Variants in RBL1 observed in about 807,000 individuals in gnomAD.
RBL1 encodes RB transcriptional corepressor like 1, also known as retinoblastoma-like protein 1.
RBL1 carries 82 observed loss-of-function variants against 123.0 expected under a neutral mutation model. The ratio of observed to expected loss-of-function variants is 0.67; its 90% confidence interval spans 0.56 to 0.80. The LOEUF (loss-of-function observed/expected upper bound fraction) is 0.80, where lower values mean the gene tolerates loss of function less well. RBL1 is among the 30% of genes least tolerant of loss of function. The pLI, the probability that RBL1 is intolerant of heterozygous loss-of-function variation, is 0.00. For synonymous variants in RBL1, 405 were observed against 441.3 expected, an observed-to-expected ratio of 0.92 and a Z score of 1.03; for missense variants, 1,171 against 1,299.6, an observed-to-expected ratio of 0.90 and a Z score of 1.52.
chr20:37,072,956 T>A (rs1358329288), intron 2 of RBL1, among the ~76,000 whole-genome samples: 2 of 152,086 alleles, frequency 1.3e-5, no homozygotes, highest in Admixed American at 6.6e-5. Context: ...GTAAGTGATA[T>A]CTCTTATTTT....
chr20:37,030,846 C>T (rs1435821930), intron 16 of RBL1, among the ~76,000 whole-genome samples: 1 of 147,210 alleles, frequency 6.8e-6, no homozygotes, highest in Non-Finnish European at 1.5e-5. Context: ...CAGAGTGAGA[C>T]TCTGTCTCAA....
In RBL1 at chr20:37,030,946, C is replaced by T. The variant is rs1198921058; in HGVS notation, c.2382+1719G>A. 4.0e-5 allele frequency among the ~76,000 whole-genome samples: 6 copies of T among 150,466 alleles called. No homozygotes were observed. In the South Asian group the frequency reaches 8.5e-4, roughly 21 times the overall value. On this transcript the variant is annotated intron_variant, in intron 16 of 21. Transcript: ENST00000373664. ...CTGTAGTCCTAGCTGCTCAGAGGGT[C>T]GAGGTGGGAGGATCATCTGAACCTG... is the stretch of plus-strand genomic sequence containing the variant.
chr20:37,001,918 T>TAAAAAAAAAAAAAAAAAAAAAAAAAAA (rs757774894), intron 21 of RBL1, among the ~76,000 whole-genome samples: 6 of 86,544 alleles, frequency 6.9e-5, no homozygotes, highest in African/African-American at 1.3e-4. Flanking sequence ...TGCAGAACAA[T>TAAAAAAAAAAAAAAAAAAAAAAAAAAA]AAAAAAAAAA....
chr20:37,091,084 C>T (rs148714636), intron 1 of RBL1, among the ~76,000 whole-genome samples: 12 of 152,266 alleles, frequency 7.9e-5, no homozygotes, highest in African/African-American at 2.2e-4. Flanking sequence ...TAGGCCGGTG[C>T]GGTGGCTCAC....
chr20:37,018,856 C>CAGA (rs2064297394), intron 18 of RBL1, among the ~76,000 whole-genome samples: 1 of 151,458 alleles, frequency 6.6e-6, no homozygotes, highest in Non-Finnish European at 1.5e-5. Flanking sequence ...GAGGCTGAGG[C>CAGA]AGAACTGCTT....
intron 14 of RBL1, among the ~76,000 whole-genome samples, chr20:37,036,876 C>T (rs1341824648): frequency 5.9e-5 from 9 of 152,108 alleles, no homozygotes; most frequent in East Asian, 1.9e-4. Context: ...CTGCCCGCCT[C>T]GGCCTCCCAA....
At chr20:37,003,198 T>C (rs1023713487) in intron 21 of RBL1, among the ~76,000 whole-genome samples, 6 of 152,216 alleles carry the variant, frequency 3.9e-5, no homozygotes, top group African/African-American at 7.2e-5. Context: ...ATACTGAACA[T>C]ATCTGCTTGA....
intron 11 of RBL1, among the ~76,000 whole-genome samples, chr20:37,047,405 A>AATTT (rs2064833397): frequency 6.6e-6 from 1 of 152,208 alleles, no homozygotes; most frequent in African/African-American, 2.4e-5. Context: ...GGTGTACATA[A>AATTT]CAATCTGCTT....
intron 19 of RBL1, among the ~76,000 whole-genome samples, chr20:37,013,538 T>C (rs2064199695): frequency 6.8e-6 from 1 of 147,910 alleles, no homozygotes; most frequent in African/African-American, 2.5e-5. Flanking sequence ...TATTGTCCTA[T>C]GACCCTGCCA....
In RBL1 at chr20:37,078,671, C is replaced by G. The variant is rs1163610217; in HGVS notation, c.290+10318G>C. ...GTGAAATAAGCATGTCACAAAAGAA[C>G]AAATATTGTAGGATGACACTTCTAA... On this transcript the variant is annotated intron_variant, in intron 2 of 21. Coordinates refer to ENST00000373664, the MANE Select transcript of RBL1 (RefSeq NM_002895.5). Among the ~76,000 whole-genome samples, 5 of 152,076 alleles carry G rather than the reference C, an allele frequency of 3.3e-5. No individual in the cohort carries two copies. In the East Asian group the frequency reaches 9.6e-4, roughly 29 times the overall value.
intron 21 of RBL1, among the ~76,000 whole-genome samples, chr20:37,001,030 G>A (rs2063968525): frequency 1.4e-5 from 2 of 142,474 alleles, no homozygotes; most frequent in Non-Finnish European, 3.1e-5. Flanking sequence ...AGGTGGGGGG[G>A]GTCAGCCCCC....
chr20:37,026,122 C>G (rs1227595244), intron 16 of RBL1, among the ~76,000 whole-genome samples: 4 of 152,164 alleles, frequency 2.6e-5, no homozygotes, highest in Non-Finnish European at 5.9e-5. Flanking sequence ...GATAAATTCT[C>G]TTGTTTAAGC....
In RBL1 at chr20:37,000,958, C is replaced by T. The variant is rs1359862022; in HGVS notation, c.3037-2029G>A. Among the ~76,000 whole-genome samples the T allele has an allele frequency of 2.1e-4, 30 of 143,550 alleles. No homozygotes were observed. The East Asian group carries it at 3.2e-3, about 15-fold the overall frequency. The allele number at this position is 143,550 out of a possible 152,430, so 94.2% of individuals were successfully genotyped here. ...CCGGGAGGTGAGGGGCGCCTCTGCC[C>T]GGCCGCCCCTACTGGGAAGAGAGGA... On this transcript the variant is annotated intron_variant, in intron 21 of 21. Transcript: ENST00000373664.
intron 9 of RBL1, among the ~76,000 whole-genome samples, chr20:37,060,501 TTGGCCTGGCATGGTCGCTCA>T (rs2065076909): frequency 6.6e-6 from 1 of 152,072 alleles, no homozygotes; most frequent in African/African-American, 2.4e-5. Flanking sequence ...AGAGACAAAG[TTGGCCTGGCATGGTCGCTCA>T]TGCCTGTAAT....
intron 21 of RBL1, among the ~76,000 whole-genome samples, chr20:37,001,032 T>A (rs1198523458): frequency 8.6e-6 from 1 of 116,786 alleles, no homozygotes; most frequent in Non-Finnish European, 1.7e-5. Context: ...GTGGGGGGGG[T>A]CAGCCCCCCA....
intron 2 of RBL1, among the ~76,000 whole-genome samples, chr20:37,074,874 T>C (rs1034721797): frequency 6.6e-6 from 1 of 152,040 alleles, no homozygotes; most frequent in African/African-American, 2.4e-5. Flanking sequence ...ATTCCACTCC[T>C]CTCCATATAT....
intron 2 of RBL1, among the ~76,000 whole-genome samples, chr20:37,085,516 T>A (rs576672156): frequency 9.1e-4 from 139 of 152,248 alleles, no homozygotes; most frequent in African/African-American, 3.2e-3. Flanking sequence ...TGTGTGTGCG[T>A]GGTAAAACAT....
At chr20:37,088,297 A>G (rs1273985767) in intron 2 of RBL1, among the ~76,000 whole-genome samples, 2 of 151,698 alleles carry the variant, frequency 1.3e-5, no homozygotes, top group African/African-American at 4.8e-5. Flanking sequence ...AGAGAGAAAG[A>G]TCTATATATT....
intron 2 of RBL1, among the ~76,000 whole-genome samples, chr20:37,068,974 G>C (rs1191799961): frequency 3.9e-5 from 6 of 152,190 alleles, no homozygotes; most frequent in Non-Finnish European, 5.9e-5. Flanking sequence ...TCAGCCTGCC[G>C]AGTGCCTGCG....
Sources: gnomAD v4.1 joint callset for allele counts (sites outside exome capture counted in the v4.1 genomes callset) on GRCh38, gnomAD v4.1.1 for gene constraint, MANE v1.5 for transcripts, NCBI Gene and HGNC (gene_info 2026-07-23, HGNC 2026-07-21) for gene names.